The following EDA variants were observed in gnomAD, a reference collection of about 807,000 sequenced individuals.
EDA encodes ectodysplasin-A.
EDA carries 2 observed loss-of-function variants against 23.6 expected under a neutral mutation model. That is an observed-to-expected ratio of 0.08 (90% confidence interval 0.03 to 0.27). The LOEUF (loss-of-function observed/expected upper bound fraction) is 0.27. Ranked by LOEUF, EDA falls within the 10% of genes least tolerant of loss-of-function variation. The probability of loss-of-function intolerance (pLI) is 1.00; values close to 1 mark genes in which losing one functional copy is unlikely to be tolerated. For synonymous variants in EDA, 131 were observed against 132.0 expected (o/e 0.99, Z 0.05); for missense variants, 229 against 324.2 (o/e 0.71, Z 2.26).
At chrX:69,880,571 G>A (rs1316825746) in intron 1 of EDA, among the ~76,000 whole-genome samples, 2 of 111,913 alleles carry the variant, frequency 1.8e-5, no homozygotes, top group Admixed American at 9.4e-5. Flanking sequence ...ACAACTGCCA[G>A]AAGAACCTCA....
intron 1 of EDA, among the ~76,000 whole-genome samples, chrX:69,831,229 A>C (rs1333989222): frequency 1.8e-5 from 2 of 110,629 alleles, no homozygotes; most frequent in Non-Finnish European, 3.8e-5. Context: ...CTTACCCCAC[A>C]ACAGGTGTGA....
intron 4 of EDA, among the ~76,000 whole-genome samples, chrX:70,028,785 G>A (rs2020157688): frequency 8.9e-6 from 1 of 112,960 alleles, no homozygotes; most frequent in South Asian, 3.6e-4. Context: ...ACAAGAGTCA[G>A]ACTGCCTGGG....
chrX:69,808,192 A>G (rs1165842918), intron 1 of EDA, among the ~76,000 whole-genome samples: 1 of 110,263 alleles, frequency 9.1e-6, no homozygotes, highest in East Asian at 2.8e-4. Context: ...TATTGTTTTT[A>G]TTGTTTGTAT....
chrX:70,023,969 G>A (rs138070073), intron 3 of EDA, among the ~76,000 whole-genome samples: 1,426 of 111,760 alleles, frequency 0.013, 26 homozygotes, highest in African/African-American at 0.044. Flanking sequence ...GCATCTACAA[G>A]TGCTCACTTA....
chrX:69,720,159 T>C (rs768215544), intron 1 of EDA, among the ~76,000 whole-genome samples: 80 of 112,280 alleles, frequency 7.1e-4, no homozygotes, highest in African/African-American at 2.4e-3. Context: ...GTATGGTGTA[T>C]TTTTTCATTT....
intron 1 of EDA, among the ~76,000 whole-genome samples, chrX:69,636,099 A>G (rs146271796): frequency 1.8e-5 from 2 of 111,223 alleles, no homozygotes; most frequent in African/African-American, 6.5e-5. Context: ...TCCAAATCTC[A>G]TGTTAAAACA....
At chrX:69,913,169 G>A (rs1219469353) in intron 1 of EDA, among the ~76,000 whole-genome samples, 2 of 112,316 alleles carry the variant, frequency 1.8e-5, no homozygotes, top group Non-Finnish European at 3.8e-5. Context: ...AATAACAAGA[G>A]TCAGCCAATC....
At chrX:69,966,076 G>T (rs1261093549) in intron 2 of EDA, among the ~76,000 whole-genome samples, 2 of 111,701 alleles carry the variant, frequency 1.8e-5, no homozygotes, top group Non-Finnish European at 3.8e-5. Flanking sequence ...AAATGGTCAT[G>T]ATATGCCATT....
chrX:70,032,573 G>C (rs2020215165), intron 6 of EDA, among the ~76,000 whole-genome samples: 1 of 111,719 alleles, frequency 9.0e-6, no homozygotes, highest in Non-Finnish European at 1.9e-5. Context: ...TCTTTCTGCA[G>C]GATGGAAAGA....
intron 1 of EDA, among the ~76,000 whole-genome samples, chrX:69,939,533 A>G (rs1011477589): frequency 1.8e-5 from 2 of 111,707 alleles, no homozygotes; most frequent in Admixed American, 1.9e-4. Flanking sequence ...ATCTGCAAAT[A>G]AAGATAATTC....
At chrX:69,858,803 A>T (rs950292019) in intron 1 of EDA, among the ~76,000 whole-genome samples, 2 of 111,858 alleles carry the variant, frequency 1.8e-5, no homozygotes, top group Non-Finnish European at 1.9e-5. Context: ...TTCAGTAGGC[A>T]TGAAACCAAC....
chrX:69,910,374 AGTGTGTGTGTGTGTGTGTGT>A (rs4007733), intron 1 of EDA, among the ~76,000 whole-genome samples: 10 of 41,754 alleles, frequency 2.4e-4, no homozygotes, highest in South Asian at 1.5e-3. Flanking sequence ...AGAGAGAGAG[AGTGTGTGTGTGTGTGTGTGT>A]GTGTGTGTGT....
intron 1 of EDA, among the ~76,000 whole-genome samples, chrX:69,832,054 T>C (rs1391977694): frequency 8.9e-6 from 1 of 111,965 alleles, no homozygotes; most frequent in African/African-American, 3.2e-5. Flanking sequence ...AGATCCCAGT[T>C]GTCAATTTTG....
intron 1 of EDA, among the ~76,000 whole-genome samples, chrX:69,735,566 G>A (rs1260651375): frequency 1.8e-5 from 2 of 111,752 alleles, no homozygotes; most frequent in Non-Finnish European, 3.8e-5. Context: ...AGCTTTTGGT[G>A]TAATTCTTTG....
intron 1 of EDA, among the ~76,000 whole-genome samples, chrX:69,745,236 C>A (rs2013582139): frequency 9.0e-6 from 1 of 111,561 alleles, no homozygotes; most frequent in African/African-American, 3.3e-5. Context: ...AGGCTGATCA[C>A]AAGTTCTGAT....
chrX:69,682,885 G>A (rs1185244739), intron 1 of EDA, among the ~76,000 whole-genome samples: 1 of 111,430 alleles, frequency 9.0e-6, no homozygotes, highest in Non-Finnish European at 1.9e-5. Flanking sequence ...AAAGTGACTT[G>A]CTGCTCCTTG....
In EDA at chrX:69,923,441, A is replaced by G. The variant is rs189266962; in HGVS notation, c.397-33586A>G. Among the ~76,000 whole-genome samples the G allele has an allele frequency of 1.4e-4, 16 of 111,412 alleles. No homozygotes were observed. In the East Asian group the frequency reaches 4.5e-3, roughly 32 times the overall value. On this transcript the variant is annotated intron_variant, in intron 1 of 7. Coordinates refer to ENST00000374552, the MANE Select transcript of EDA (RefSeq NM_001399.5). ...TGCTGAGATGATGGCTTCCAGCTTC[A>G]TCCAAGTCCCTTCAAAGGACATGAT...
chrX:69,816,349 G>C (rs1392191453), intron 1 of EDA, among the ~76,000 whole-genome samples: 1 of 111,436 alleles, frequency 9.0e-6, no homozygotes, highest in East Asian at 2.8e-4. Context: ...GGCTGAGATG[G>C]CTGAATTGAC....
chrX:69,736,032 C>T (rs1288373232), intron 1 of EDA, among the ~76,000 whole-genome samples: 1 of 110,186 alleles, frequency 9.1e-6, no homozygotes, highest in Non-Finnish European at 1.9e-5. Context: ...ATAGGCTGGG[C>T]GTGGTGGCTC....
Sources: allele counts gnomAD v4.1 joint callset (sites outside exome capture counted in the v4.1 genomes callset), GRCh38; gene constraint gnomAD v4.1.1; transcripts MANE v1.5; gene names NCBI Gene and HGNC (gene_info 2026-07-23, HGNC 2026-07-21).